The following OSBPL2 variants were observed in gnomAD, a reference collection of about 807,000 sequenced individuals.
OSBPL2 encodes the protein oxysterol-binding protein-related protein 2.
A neutral mutation model predicts 58.4 loss-of-function variants in OSBPL2; 18 were observed. That is an observed-to-expected ratio of 0.31 (90% CI 0.21 to 0.46). The LOEUF (loss-of-function observed/expected upper bound fraction) is 0.46, where lower values mean the gene tolerates loss of function less well. Among genes scored for constraint, OSBPL2 ranks in the 20% least tolerant of loss-of-function variants. The pLI, the probability that OSBPL2 is intolerant of heterozygous loss-of-function variation, is 1.00. For missense variants in OSBPL2, 461 were observed against 616.5 expected, an observed-to-expected ratio of 0.75 and a Z score of 2.67; for synonymous variants, 221 against 234.1, an observed-to-expected ratio of 0.94 and a Z score of 0.51.
At chr20:62,238,666 G>T (rs1341802196) in intron 1 of OSBPL2, 69 bp downstream of exon 1, 1 of 148,092 alleles carries the variant, frequency 6.8e-6, no homozygotes, top group Non-Finnish European at 1.5e-5. Flanking sequence ...TGGGCCGCGG[G>T]CTGGGGCTGG....
chr20:62,290,421 T>TTTG (rs1983423144), intron 12 of OSBPL2, among the ~76,000 whole-genome samples: 2 of 136,230 alleles, frequency 1.5e-5, no homozygotes, highest in South Asian at 2.5e-4. Flanking sequence ...GTTTTTTTTT[T>TTTG]TTTTTTTTTT....
chr20:62,263,745 A>C (rs1981473192), intron 4 of OSBPL2, 54 bp downstream of exon 4: 1 of 1,473,814 alleles, frequency 6.8e-7, no homozygotes, highest in Non-Finnish European at 9.5e-7. Flanking sequence ...ACTCCTGGGA[A>C]GGTATTGCAG....
chr20:62,290,264 C>G (rs138921389), intron 12 of OSBPL2, among the ~76,000 whole-genome samples: 2,365 of 152,284 alleles, frequency 0.016, 28 homozygotes, highest in Non-Finnish European at 0.023. Flanking sequence ...GAGTCGGGAT[C>G]TCACTCTGTA....
chr20:62,294,832 G>A lies in OSBPL2; in HGVS notation c.*945G>A, dbSNP rs941644713. The A allele has an allele frequency of 3.3e-5, 5 of 152,232 alleles. No individual in the cohort carries two copies. The highest frequency in any genetic ancestry group is 2.9e-5 in the Non-Finnish European group (2 of 68,060). 9.4% of individuals were successfully genotyped at this position (152,232 alleles called of 1,614,324 possible). A position where few individuals can be genotyped will look rare whatever the true frequency, so the allele number is the denominator to read the frequency against. ...GAATCACATCCGGTTGTGTCCTGTGGGAGGGTCAGAGGCAGAATCTACTTA... is the reference window on the plus strand; with the variant it reads ...GAATCACATCCGGTTGTGTCCTGTGAGAGGGTCAGAGGCAGAATCTACTTA... On this transcript the variant is annotated 3_prime_UTR_variant, in exon 14 of 14. Coordinates refer to ENST00000313733, the MANE Select transcript of OSBPL2 (RefSeq NM_144498.4).
At chr20:62,283,622 T>C (rs1601195683) in intron 9 of OSBPL2, among the ~76,000 whole-genome samples, 1 of 152,264 alleles carries the variant, frequency 6.6e-6, no homozygotes, top group East Asian at 1.9e-4. Context: ...ACACAACACA[T>C]TGAGTGTGTT....
intron 4 of OSBPL2, among the ~76,000 whole-genome samples, chr20:62,266,526 T>A (rs953844365): frequency 1.3e-5 from 2 of 151,904 alleles, no homozygotes; most frequent in African/African-American, 4.8e-5. Flanking sequence ...TGTGGCTCGT[T>A]CTGGATCTGC....
intron 2 of OSBPL2, among the ~76,000 whole-genome samples, chr20:62,257,006 G>C (rs113230935): frequency 0.026 from 3,999 of 152,368 alleles, 78 homozygotes; most frequent in Non-Finnish European, 0.04. Flanking sequence ...TCTCCTTGAT[G>C]TTCCCTTGTC....
chr20:62,278,797 G>T (rs982838011), intron 6 of OSBPL2: 8 of 208,926 alleles, frequency 3.8e-5, no homozygotes, highest in Non-Finnish European at 6.4e-5. Flanking sequence ...TGTTGCCAAC[G>T]TTAGGCCGAG....
At chr20:62,283,899 A>G in intron 9 of OSBPL2, 147 bp from the exon 10 acceptor site, 1 of 789,844 alleles carries the variant, frequency 1.3e-6, no homozygotes, top group South Asian at 1.8e-5. Context: ...CCAGAATGCA[A>G]ATTTTCACCT....
Position 62,293,881 on chromosome 20 carries a change from C to T in OSBPL2, c.1437C>T (p.Ile479=), listed in dbSNP as rs189926394. The change falls in exon 14 of 14, where the codon ATC becomes ATT. Residue 479 remains isoleucine (I), a synonymous_variant. Transcript: ENST00000313733. ...GGAATTTCTCCGACTGCCCAGATAT[C>T]TACTGAGGGCCTGGAGGGGCCTGGG... ...FERNFSDCPD[I]Y is the part of the protein sequence containing the mutation. The T allele has an allele frequency of 1.9e-6, 3 of 1,613,756 alleles. No homozygotes were observed. In the African/African-American group the frequency reaches 4.0e-5, roughly 22 times the overall value.
chr20:62,278,816 C>G (rs1378196534), intron 6 of OSBPL2: 2 of 239,084 alleles, frequency 8.4e-6, no homozygotes, highest in East Asian at 1.1e-4. Context: ...AGTGCGATAT[C>G]GTGTTTGTGT....
intron 4 of OSBPL2, among the ~76,000 whole-genome samples, chr20:62,264,471 T>C (rs1036163407): frequency 6.6e-5 from 10 of 152,216 alleles, no homozygotes; most frequent in Non-Finnish European, 1.5e-5. Context: ...GGCCAGCGCT[T>C]GATGCCTGAA....
At chr20:62,290,780 C>A (rs1462922293) in intron 12 of OSBPL2, among the ~76,000 whole-genome samples, 1 of 149,074 alleles carries the variant, frequency 6.7e-6, no homozygotes, top group Non-Finnish European at 1.5e-5. Flanking sequence ...CACTTGTTGC[C>A]CAGGCTGGAG....
chr20:62,281,630 C>G (rs1982791718), intron 8 of OSBPL2, 160 bp from the exon 9 acceptor site: 1 of 579,622 alleles, frequency 1.7e-6, no homozygotes, highest in Non-Finnish European at 3.2e-6. Context: ...TCCCCACAGC[C>G]CATTTCAAAC....
In OSBPL2 at chr20:62,293,910, C is replaced by T. The variant is rs115390538; in HGVS notation, c.*23C>T. ...TGAGGGCCTGGAGGGGCCTGGGGCC[C>T]GGGACCGGAGGCTGACGAGGCTGGA... On this transcript the variant is annotated 3_prime_UTR_variant, in exon 14 of 14. Coordinates refer to ENST00000313733, the MANE Select transcript of OSBPL2 (RefSeq NM_144498.4). 6.3e-4 allele frequency: 1,007 copies of T among 1,609,748 alleles called. 6 individuals are homozygous for T. The African/African-American group carries it at 0.011, about 17-fold the overall frequency.
intron 2 of OSBPL2, among the ~76,000 whole-genome samples, chr20:62,257,458 G>A (rs115434429): frequency 6.6e-6 from 1 of 152,284 alleles, no homozygotes; most frequent in Non-Finnish European, 1.5e-5. Context: ...TATCTGCAGC[G>A]TGTTTGCCTC....
rs1264308047 is a variant in OSBPL2 at position 62,279,300 on chromosome 20, AG to A, written c.637del (p.Ala213ArgfsTer37). ...CTCAAGTTCTGGGGCAAAAGCGTGGAGGCGGAGCCCCGAGGCACCATCACCC... is the reference window on the plus strand; with the variant it reads ...CTCAAGTTCTGGGGCAAAAGCGTGGAGCGGAGCCCCGAGGCACCATCACCC... ...PKLKFWGKSV[E>X]AEPRGTITLE... On this transcript the variant is annotated frameshift_variant, in exon 7 of 14. Transcript: ENST00000313733. LOFTEE classifies it high-confidence loss of function. 1.2e-6 allele frequency: 2 copies of A among 1,614,094 alleles called. No homozygotes were observed. The highest frequency in any genetic ancestry group is 2.7e-5 in the African/African-American group (2 of 74,934).
chr20:62,248,188 T>C (rs530074161), intron 1 of OSBPL2, among the ~76,000 whole-genome samples: 12 of 148,660 alleles, frequency 8.1e-5, no homozygotes, highest in Admixed American at 5.4e-4. Context: ...AGGGTCTCGC[T>C]CTGTTGCCCA....
intron 2 of OSBPL2, among the ~76,000 whole-genome samples, chr20:62,256,949 T>C (rs1031191716): frequency 6.6e-6 from 1 of 152,188 alleles, no homozygotes; most frequent in Admixed American, 6.5e-5. Flanking sequence ...ATTCCGCTTG[T>C]TTTTTCTGGA....
Sources: gnomAD v4.1 joint callset for allele counts (sites outside exome capture counted in the v4.1 genomes callset) on GRCh38, gnomAD v4.1.1 for gene constraint, MANE v1.5 for transcripts, NCBI Gene and HGNC (gene_info 2026-07-23, HGNC 2026-07-21) for gene names.